SYNPO2: variants seen among roughly 807,000 people sequenced by gnomAD.
The protein encoded by SYNPO2 is synaptopodin 2.
Under a neutral mutation model 85.0 loss-of-function variants are expected in SYNPO2, and 56 were observed. That is an observed-to-expected ratio of 0.66 (90% CI 0.53 to 0.82). The LOEUF (loss-of-function observed/expected upper bound fraction) is 0.82, where lower values mean the gene tolerates loss of function less well. Ranked by LOEUF, SYNPO2 falls within the 40% of genes least tolerant of loss-of-function variation. The probability of loss-of-function intolerance (pLI) is 0.00; values close to 1 mark genes in which losing one functional copy is unlikely to be tolerated. For missense variants in SYNPO2, 1,575 were observed against 1,534.2 expected (o/e 1.03, Z -0.44); for synonymous variants, 602 against 591.1 (o/e 1.02, Z -0.27).
At chr4:118,939,120 A>T (rs1342633807) in intron 1 of SYNPO2, among the ~76,000 whole-genome samples, 1 of 152,238 alleles carries the variant, frequency 6.6e-6, no homozygotes, top group Non-Finnish European at 1.5e-5. Context: ...AGTCCTAAAG[A>T]AGCTGCATAC....
intron 1 of SYNPO2, among the ~76,000 whole-genome samples, chr4:118,867,210 C>T (rs1324900388): frequency 6.6e-6 from 1 of 152,138 alleles, no homozygotes; most frequent in Admixed American, 6.5e-5. Flanking sequence ...ACCTTAAACA[C>T]TTTAAAAGAA....
At chr4:118,940,278 C>T (rs1006128840) in intron 1 of SYNPO2, among the ~76,000 whole-genome samples, 6 of 152,048 alleles carry the variant, frequency 3.9e-5, no homozygotes, top group South Asian at 2.1e-4. Flanking sequence ...TGAGTCACTG[C>T]GCCTGGCCGC....
intron 1 of SYNPO2, among the ~76,000 whole-genome samples, chr4:118,910,778 C>G (rs867775100): frequency 6.6e-6 from 1 of 152,148 alleles, no homozygotes; most frequent in African/African-American, 2.4e-5. Flanking sequence ...AAAAAGAACA[C>G]AGCACCAGAA....
intron 1 of SYNPO2, among the ~76,000 whole-genome samples, chr4:118,931,130 G>C (rs907465761): frequency 5.3e-5 from 8 of 151,842 alleles, no homozygotes; most frequent in Non-Finnish European, 1.2e-4. Context: ...GTTCAATAAA[G>C]ATAGATAAAA....
At position 119,027,000 on chromosome 4, in the gene SYNPO2, G is replaced by T. The variant is rs1183289818; in HGVS notation, c.631G>T (p.Ala211Ser). ...CCTTTCACAGGAGAGACATAAGGGCGCTAGTGGCCCTTTAGTGGCTCTCCC... is the reference window on the plus strand; with the variant it reads ...CCTTTCACAGGAGAGACATAAGGGCTCTAGTGGCCCTTTAGTGGCTCTCCC... ...LSLSQERHKG[A>S]SGPLVALPGA... Residue 211 changes from alanine (A) to serine (S), a missense_variant, in exon 3 of 5, where the codon GCT becomes TCT. Ala to Ser is a moderately conservative substitution (Grantham distance 99). Transcript: ENST00000307142. 6 of 1,614,106 alleles carry T rather than the reference G, an allele frequency of 3.7e-6. No individual in the cohort carries two copies. The highest frequency in any genetic ancestry group is 4.2e-6 in the Non-Finnish European group (5 of 1,180,022).
At chr4:118,973,015 A>T (rs915913878) in intron 1 of SYNPO2, among the ~76,000 whole-genome samples, 43 of 152,302 alleles carry the variant, frequency 2.8e-4, no homozygotes, top group African/African-American at 1.0e-3. Context: ...TCAACTTTAC[A>T]ATGGGCTTAT....
At chr4:119,024,137 G>C (rs948633614) in intron 2 of SYNPO2, among the ~76,000 whole-genome samples, 2 of 152,130 alleles carry the variant, frequency 1.3e-5, no homozygotes, top group Non-Finnish European at 2.9e-5. Context: ...CAGGTCATTT[G>C]GGAATTCAAT....
chr4:118,932,784 C>A (rs755078860), intron 1 of SYNPO2, among the ~76,000 whole-genome samples: 26 of 152,172 alleles, frequency 1.7e-4, no homozygotes, highest in Non-Finnish European at 8.8e-5. Flanking sequence ...TCATTGGGAT[C>A]GTTGTATTGA....
At chr4:119,007,283 C>CATATATATATATGTATATACAT (rs1737111210) in intron 1 of SYNPO2, among the ~76,000 whole-genome samples, 1 of 39,778 alleles carries the variant, frequency 2.5e-5, no homozygotes, top group Admixed American at 3.1e-4. Context: ...TATGTATATA[C>CATATATATATATGTATATACAT]ATATATATAT....
chr4:119,039,241 G>C (rs970656786), intron 4 of SYNPO2, among the ~76,000 whole-genome samples: 1 of 152,002 alleles, frequency 6.6e-6, no homozygotes, highest in Non-Finnish European at 1.5e-5. Context: ...AAAACTTAAG[G>C]AACTTGTGTA....
intron 1 of SYNPO2, among the ~76,000 whole-genome samples, chr4:118,981,650 G>A (rs560696546): frequency 6.6e-5 from 10 of 152,260 alleles, no homozygotes; most frequent in African/African-American, 2.4e-4. Context: ...TGGCCCCAAA[G>A]GCATAAGGGG....
At chr4:118,930,634 G>A (rs1027164128) in intron 1 of SYNPO2, among the ~76,000 whole-genome samples, 1 of 151,870 alleles carries the variant, frequency 6.6e-6, no homozygotes, top group Admixed American at 6.6e-5. Flanking sequence ...AATAGCATAT[G>A]CTGGGTGAGG....
intron 1 of SYNPO2, among the ~76,000 whole-genome samples, chr4:118,980,838 T>A (rs935652848): frequency 4.6e-5 from 7 of 151,974 alleles, no homozygotes; most frequent in Non-Finnish European, 7.4e-5. Context: ...ATGTGTGGCA[T>A]GCCATCTGCA....
rs1739340292 is a variant in SYNPO2 at position 119,059,562 on chromosome 4, T to TA, written c.*1634dup. 1 of 152,198 alleles carries TA rather than the reference T, an allele frequency of 6.6e-6. No homozygotes were observed. The allele number at this position is 152,198 out of a possible 1,614,324, so 9.4% of individuals were successfully genotyped here. ...AGCAAATATCCAGAATATTTTTAAGTAAAAAACCATCTTAAGTATTCAAAA... is the reference window on the plus strand; with the variant it reads ...AGCAAATATCCAGAATATTTTTAAGTAAAAAAACCATCTTAAGTATTCAAAA... On this transcript the variant is annotated 3_prime_UTR_variant, in exon 5 of 5. Coordinates refer to ENST00000307142, the MANE Select transcript of SYNPO2 (RefSeq NM_133477.3).
chr4:118,865,762 C>T (rs1731689890), intron 1 of SYNPO2, among the ~76,000 whole-genome samples: 10 of 151,932 alleles, frequency 6.6e-5, no homozygotes, highest in Admixed American at 5.2e-4. Flanking sequence ...GATTTTTATT[C>T]GAATAGGGGA....
chr4:118,858,705 G>A (rs1208532709), intron 1 of SYNPO2, among the ~76,000 whole-genome samples: 1 of 152,138 alleles, frequency 6.6e-6, no homozygotes, highest in Non-Finnish European at 1.5e-5. Flanking sequence ...GAATAGCCAT[G>A]TTTCCTGGAT....
intron 1 of SYNPO2, among the ~76,000 whole-genome samples, chr4:119,011,739 A>C (rs1420126404): frequency 6.6e-6 from 1 of 152,176 alleles, no homozygotes; most frequent in African/African-American, 2.4e-5. Context: ...TTGCAGGTCT[A>C]CTATGTGCAA....
At chr4:118,890,580 T>C (rs13117019) in intron 1 of SYNPO2, among the ~76,000 whole-genome samples, 69,669 of 147,906 alleles carry the variant, frequency 0.47, 16,198 homozygotes, top group East Asian at 0.56. Context: ...AGATTTGTCC[T>C]GAGTCTAGAA....
intron 1 of SYNPO2, among the ~76,000 whole-genome samples, chr4:118,939,329 A>G (rs1447704792): frequency 2.0e-5 from 3 of 152,234 alleles, no homozygotes; most frequent in Admixed American, 6.5e-5. Flanking sequence ...TAAGTTGCTG[A>G]GCGACGCTCA....
Sources: gnomAD v4.1 joint callset for allele counts (sites outside exome capture counted in the v4.1 genomes callset) on GRCh38, gnomAD v4.1.1 for gene constraint, MANE v1.5 for transcripts, NCBI Gene and HGNC (gene_info 2026-07-23, HGNC 2026-07-21) for gene names.